Variants in NRG1 observed in about 807,000 individuals in gnomAD.
The protein encoded by NRG1 is pro-neuregulin-1, membrane-bound isoform.
Under a neutral mutation model 63.8 loss-of-function variants are expected in NRG1, and 18 were observed. That is an observed-to-expected ratio of 0.28 (90% CI 0.19 to 0.42). The LOEUF (loss-of-function observed/expected upper bound fraction) is 0.42, where lower values mean the gene tolerates loss of function less well. NRG1 is among the 10% of genes least tolerant of loss of function. NRG1 has a pLI of 1.00. For missense variants in NRG1, 762 were observed against 814.7 expected (o/e 0.94, Z 0.79); for synonymous variants, 302 against 301.3 (o/e 1.00, Z -0.02).
chr8:31,912,766 A>G (rs1271659274), intron 1 of NRG1, among the ~76,000 whole-genome samples: 1 of 152,106 alleles, frequency 6.6e-6, no homozygotes, highest in Non-Finnish European at 1.5e-5. Context: ...GATATCTGTG[A>G]AACTGAAAAG....
chr8:32,220,598 GA>G (rs993276311), intron 1 of NRG1, among the ~76,000 whole-genome samples: 3 of 152,292 alleles, frequency 2.0e-5, no homozygotes, highest in African/African-American at 7.2e-5. Flanking sequence ...CAAAGGAGGG[GA>G]AAATATATCA....
intron 1 of NRG1, among the ~76,000 whole-genome samples, chr8:32,240,030 A>T (rs1847947680): frequency 6.6e-6 from 1 of 152,202 alleles, no homozygotes; most frequent in Admixed American, 6.5e-5. Flanking sequence ...TTACCATATG[A>T]TTCAGCAGTT....
chr8:31,917,149 G>A (rs1360521012), intron 1 of NRG1, among the ~76,000 whole-genome samples: 1 of 95,164 alleles, frequency 1.1e-5, no homozygotes, highest in African/African-American at 3.8e-5. Flanking sequence ...CTCCCATTTT[G>A]TAGGTTGCCT....
exon 1 of NRG1, chr8:31,639,417 G>C (rs777329120): frequency 1.4e-5 from 22 of 1,534,890 alleles, no homozygotes; most frequent in Non-Finnish European, 1.8e-5. Flanking sequence ...CGCGCGGGCC[G>C]AGTTGGCACC....
chr8:32,466,997 G>A (rs1014594770), intron 1 of NRG1, among the ~76,000 whole-genome samples: 1 of 151,834 alleles, frequency 6.6e-6, no homozygotes, highest in Admixed American at 6.6e-5. Flanking sequence ...TCATCCTCAG[G>A]CCATTGACTC....
chr8:32,441,210 T>C (rs530464295), intron 1 of NRG1: 1 of 152,302 alleles, frequency 6.6e-6, no homozygotes, highest in East Asian at 1.9e-4. Context: ...ATAGTTTTTG[T>C]TGGTACATGT....
At chr8:32,397,596 G>T (rs28403293) in intron 1 of NRG1, among the ~76,000 whole-genome samples, 1 of 150,930 alleles carries the variant, frequency 6.6e-6, no homozygotes, top group Non-Finnish European at 1.5e-5. Flanking sequence ...CCTCTAATTG[G>T]GTGTGTGGAT....
rs186568772 is a variant in NRG1 at position 32,184,613 on chromosome 8, A to C, written c.38-411215A>C. On this transcript the variant is annotated intron_variant, in intron 1 of 10. Coordinates refer to the NRG1 transcript ENST00000519301. ...GTTTAGTTTTGTGAAAAAAAAAATA[A>C]GGAAAGCATCTGGTGATTGAACAAA... Among the ~76,000 whole-genome samples, 519 of 152,198 alleles carry C rather than the reference A, an allele frequency of 3.4e-3. 3 individuals carry two copies. Among genetic ancestry groups the C allele is most frequent in the Non-Finnish European group, 5.3e-3 (358 of 67,994 alleles).
intron 1 of NRG1, among the ~76,000 whole-genome samples, chr8:32,089,338 T>A (rs1466456303): frequency 2.0e-5 from 3 of 152,216 alleles, no homozygotes; most frequent in African/African-American, 7.2e-5. Flanking sequence ...TACCCACACT[T>A]AGTCAACAGA....
chr8:32,211,529 A>T (rs1391976768), intron 1 of NRG1, among the ~76,000 whole-genome samples: 1 of 152,170 alleles, frequency 6.6e-6, no homozygotes, highest in East Asian at 1.9e-4. Flanking sequence ...ATGGTAATTT[A>T]TGAGGAATTC....
At chr8:32,147,952 TG>T (rs1321433313) in intron 1 of NRG1, among the ~76,000 whole-genome samples, 2 of 152,136 alleles carry the variant, frequency 1.3e-5, no homozygotes, top group Non-Finnish European at 2.9e-5. Context: ...ACTTATAAAA[TG>T]GGGATGATAA....
intron 2 of NRG1, among the ~76,000 whole-genome samples, chr8:32,605,261 T>A (rs1845072006): frequency 6.6e-6 from 1 of 152,152 alleles, no homozygotes; most frequent in African/African-American, 2.4e-5. Context: ...ATCTAAAGTA[T>A]AACACAGTTA....
At chr8:31,797,396 C>T (rs1314610244) in intron 1 of NRG1, among the ~76,000 whole-genome samples, 2 of 152,206 alleles carry the variant, frequency 1.3e-5, no homozygotes, top group African/African-American at 2.4e-5. Context: ...TATGTGGTCT[C>T]AATAAAGACC....
intron 1 of NRG1, among the ~76,000 whole-genome samples, chr8:32,273,400 T>G (rs1158105): frequency 0.2 from 30,418 of 152,166 alleles, 3,762 homozygotes; most frequent in East Asian, 0.58. Flanking sequence ...AAGAGAGACA[T>G]AAAGGTAACA....
At chr8:31,694,764 A>G (rs1239468154) in intron 1 of NRG1, among the ~76,000 whole-genome samples, 2 of 152,184 alleles carry the variant, frequency 1.3e-5, no homozygotes, top group Non-Finnish European at 2.9e-5. Flanking sequence ...GTTACTTGGC[A>G]TGATCATCTT....
chr8:32,309,142 G>A (rs1411333660), intron 1 of NRG1, among the ~76,000 whole-genome samples: 1 of 152,158 alleles, frequency 6.6e-6, no homozygotes, highest in African/African-American at 2.4e-5. Flanking sequence ...AAGGAAGTCT[G>A]ACCTGTCTCT....
intron 1 of NRG1, among the ~76,000 whole-genome samples, chr8:32,462,057 C>T (rs1587787818): frequency 6.6e-6 from 1 of 151,964 alleles, no homozygotes; most frequent in Non-Finnish European, 1.5e-5. Context: ...TAAAGTCAAA[C>T]AAAAAATAGA....
At chr8:32,765,883 A>G (rs992754913) in exon 12 of NRG1, 1 of 152,166 alleles carries the variant, frequency 6.6e-6, no homozygotes, top group Non-Finnish European at 1.5e-5. Flanking sequence ...AGGAAGGCCT[A>G]TAAGTATTAA....
intron 1 of NRG1, among the ~76,000 whole-genome samples, chr8:32,200,096 G>A (rs573907072): frequency 1.3e-5 from 2 of 152,050 alleles, no homozygotes; most frequent in African/African-American, 4.8e-5. Context: ...AACATTTAAT[G>A]GACTCACCAG....
Sources: allele counts gnomAD v4.1 joint callset (sites outside exome capture counted in the v4.1 genomes callset), GRCh38; gene constraint gnomAD v4.1.1; transcripts MANE v1.5; gene names NCBI Gene and HGNC (gene_info 2026-07-23, HGNC 2026-07-21).